WDFY3: variants seen among roughly 807,000 people sequenced by gnomAD.
The protein encoded by WDFY3 is WD repeat and FYVE domain containing 3, also known as WD repeat and FYVE domain-containing protein 3.
WDFY3 carries 66 observed loss-of-function variants against 409.6 expected under a neutral mutation model. The ratio of observed to expected loss-of-function variants is 0.16; its 90% CI spans 0.13 to 0.20. The LOEUF (loss-of-function observed/expected upper bound fraction) is 0.20. WDFY3 is among the 10% of genes least tolerant of loss of function. WDFY3 has a pLI of 1.00. For missense variants in WDFY3, 3,031 were observed against 4,298.1 expected (o/e 0.71, Z 8.24); for synonymous variants, 1,521 against 1,537.1 (o/e 0.99, Z 0.25).
intron 62 of WDFY3, 49 bp downstream of exon 62, chr4:84,688,037 G>C: frequency 1.9e-6 from 3 of 1,570,002 alleles, no homozygotes; most frequent in Admixed American, 1.7e-5. Flanking sequence ...ATTGAGTTTG[G>C]CCAAGACTAC....
chr4:84,776,038 T>C (rs1368753016), intron 27 of WDFY3, among the ~76,000 whole-genome samples: 8 of 151,978 alleles, frequency 5.3e-5, no homozygotes, highest in Admixed American at 5.2e-4. Flanking sequence ...ATAAATACTA[T>C]ATATGTAGTC....
rs1271086284 is a variant in WDFY3, at chr4:84,718,611, T to A, written c.7606-41A>T. On this transcript the variant is annotated intron_variant, in intron 47 of 67. Transcript: ENST00000295888. The stretch of plus-strand genomic sequence containing the variant: ...CAAACATTCATTAATATAGGCTTTT[T>A]GTAAAGATCAATTTTTGTTAGACTA... The A allele has an allele frequency of 2.5e-6, 4 of 1,585,678 alleles. No individual in the cohort carries two copies. The Admixed American group carries it at 5.6e-5, about 22-fold the overall frequency.
chr4:84,675,775 C>T (rs1238965106), intron 67 of WDFY3, among the ~76,000 whole-genome samples: 1 of 152,104 alleles, frequency 6.6e-6, no homozygotes. Flanking sequence ...TCCATGGAAT[C>T]CTTTCTGTTG....
At chr4:84,902,718 T>C (rs919792605) in intron 2 of WDFY3, among the ~76,000 whole-genome samples, 1 of 152,220 alleles carries the variant, frequency 6.6e-6, no homozygotes, top group African/African-American at 2.4e-5. Flanking sequence ...AGCCTTTTTC[T>C]CCATACCCTT....
intron 2 of WDFY3, among the ~76,000 whole-genome samples, chr4:84,929,451 G>A (rs903178957): frequency 5.3e-5 from 8 of 151,722 alleles, no homozygotes; most frequent in Non-Finnish European, 1.0e-4. Context: ...TGTTATGTAG[G>A]GCAATAGATT....
intron 56 of WDFY3, 57 bp downstream of exon 56, chr4:84,702,296 T>C: frequency 2.7e-6 from 4 of 1,487,012 alleles, no homozygotes; most frequent in Non-Finnish European, 3.6e-6. Flanking sequence ...AAGTGACTTA[T>C]TTCTATTGGA....
chr4:84,808,440 G>C, intron 14 of WDFY3, 23 bp from the exon 15 acceptor site: 2 of 1,610,642 alleles, frequency 1.2e-6, no homozygotes, highest in Non-Finnish European at 1.7e-6. Context: ...AAACAGACAG[G>C]GTGGTTTAGA....
Position 84,743,699 on chromosome 4 carries a change from C to A in WDFY3, c.6073+1G>T. 1 of 1,553,312 alleles carries A rather than the reference C, an allele frequency of 6.4e-7. No individual in the cohort carries two copies. The highest frequency in any genetic ancestry group is 1.2e-5 in the South Asian group (1 of 81,412). On this transcript the variant is annotated splice_donor_variant, in intron 37 of 67. Coordinates refer to ENST00000295888, the MANE Select transcript of WDFY3 (RefSeq NM_014991.6). LOFTEE classifies it high-confidence loss of function. ...TCTATAAAATAAAAACACAGAATTACCTAATAACACATCAGCTGCAAGCAA... is the reference window on the plus strand; with the variant it reads ...TCTATAAAATAAAAACACAGAATTAACTAATAACACATCAGCTGCAAGCAA...
rs754505501 is a variant in WDFY3, at chr4:84,786,105, G to A, written c.3936C>T (p.Ser1312=). 2 of 1,611,010 alleles carry A rather than the reference G, an allele frequency of 1.2e-6. No individual in the cohort carries two copies. Among genetic ancestry groups the A allele is most frequent in the Non-Finnish European group, 1.7e-6 (2 of 1,178,692 alleles). Residue 1312 remains serine (S), a synonymous_variant, in exon 24 of 68, where the codon TCC becomes TCT. Coordinates refer to ENST00000295888, the MANE Select transcript of WDFY3 (RefSeq NM_014991.6). The stretch of plus-strand genomic sequence containing the variant: ...TCTCCTCTGGTACTAATGACACAGG[G>A]GATGGCACCACCCCTTCGGATTTTG... ...KDAKSEGVVP[S]PVSLVPEEKV... is the part of the protein sequence containing the mutation.
At chr4:84,962,430 G>A (rs1023650627) in intron 1 of WDFY3, among the ~76,000 whole-genome samples, 1 of 152,146 alleles carries the variant, frequency 6.6e-6, no homozygotes, top group Non-Finnish European at 1.5e-5. Context: ...ATATATGCCA[G>A]ACGAGATAAA....
chr4:84,941,377 G>C (rs1222015389), intron 1 of WDFY3, among the ~76,000 whole-genome samples: 1 of 151,964 alleles, frequency 6.6e-6, no homozygotes, highest in Non-Finnish European at 1.5e-5. Flanking sequence ...TAGATAGATA[G>C]ATAGTACCAT....
intron 5 of WDFY3, among the ~76,000 whole-genome samples, chr4:84,841,941 A>G (rs2150035832): frequency 6.6e-6 from 1 of 152,290 alleles, no homozygotes; most frequent in East Asian, 1.9e-4. Flanking sequence ...GAGGTTTCCT[A>G]AGTAATACAC....
At chr4:84,703,575 C>T (rs1219561943) in intron 55 of WDFY3, among the ~76,000 whole-genome samples, 1 of 152,212 alleles carries the variant, frequency 6.6e-6, no homozygotes, top group Non-Finnish European at 1.5e-5. Context: ...CCCCGGGCTG[C>T]TCCTCGAACA....
At chr4:84,691,922 T>A (rs899599355) in intron 59 of WDFY3, 137 bp from the exon 60 acceptor site, 1 of 895,218 alleles carries the variant, frequency 1.1e-6, no homozygotes, top group South Asian at 2.1e-5. Flanking sequence ...ATCTCTGAAA[T>A]AGAGCTGGGC....
intron 3 of WDFY3, among the ~76,000 whole-genome samples, chr4:84,896,073 T>C (rs1765589334): frequency 6.6e-6 from 1 of 151,790 alleles, no homozygotes. Flanking sequence ...CTGGCCAACA[T>C]GGTGAAACCC....
chr4:84,784,882 A>G (rs1747224826), intron 24 of WDFY3, among the ~76,000 whole-genome samples: 1 of 89,892 alleles, frequency 1.1e-5, no homozygotes, highest in Admixed American at 1.2e-4. Context: ...ATATATATAT[A>G]TATATATATA....
chr4:84,913,735 T>C (rs1284694944), intron 2 of WDFY3, among the ~76,000 whole-genome samples: 1 of 150,896 alleles, frequency 6.6e-6, no homozygotes, highest in Non-Finnish European at 1.5e-5. Flanking sequence ...GGAAAAGAAA[T>C]ATTTTTAGAG....
intron 3 of WDFY3, among the ~76,000 whole-genome samples, chr4:84,871,589 C>T (rs1286519067): frequency 6.6e-6 from 1 of 151,752 alleles, no homozygotes; most frequent in African/African-American, 2.4e-5. Flanking sequence ...AGAAAGAACA[C>T]TGGATAAGGA....
chr4:84,756,649 TAAC>T (rs1578383341), intron 33 of WDFY3, among the ~76,000 whole-genome samples: 3 of 147,578 alleles, frequency 2.0e-5, no homozygotes, highest in African/African-American at 7.4e-5. Context: ...ATAAATCATA[TAAC>T]AAAAGAGTTC....
Sources: allele counts gnomAD v4.1 joint callset (sites outside exome capture counted in the v4.1 genomes callset), GRCh38; gene constraint gnomAD v4.1.1; transcripts MANE v1.5; gene names NCBI Gene and HGNC (gene_info 2026-07-23, HGNC 2026-07-21).